CDC25C: variants seen among roughly 807,000 people sequenced by gnomAD.
The protein encoded by CDC25C is cell division cycle 25C.
A neutral mutation model predicts 52.5 loss-of-function variants in CDC25C; 48 were observed. The observed-to-expected ratio is 0.91, with a 90% CI of 0.72 to 1.16. The LOEUF is 1.16. Ranked by LOEUF, CDC25C falls within the 50% of genes most tolerant of loss-of-function variation. CDC25C has a pLI of 0.00. For missense variants in CDC25C, 510 were observed against 566.1 expected, an observed-to-expected ratio of 0.90 and a Z score of 1.01; for synonymous variants, 187 against 206.5, an observed-to-expected ratio of 0.91 and a Z score of 0.81.
intron 4 of CDC25C, among the ~76,000 whole-genome samples, chr5:138,326,924 C>CTG (rs1467635752): frequency 2.3e-4 from 32 of 139,382 alleles, no homozygotes; most frequent in African/African-American, 8.6e-4. Flanking sequence ...TGCACTTAAG[C>CTG]CTAGGCAACA....
chr5:138,303,531 C>T (rs551230395), intron 7 of CDC25C, among the ~76,000 whole-genome samples: 4 of 152,264 alleles, frequency 2.6e-5, no homozygotes, highest in East Asian at 1.9e-4. Context: ...CCCATAAACA[C>T]GCCAAGCATA....
chr5:138,329,672 A>G, intron 2 of CDC25C, 25 bp from the exon 3 acceptor site: 1 of 1,258,690 alleles, frequency 7.9e-7, no homozygotes, highest in Non-Finnish European at 1.2e-6. Context: ...TAGTACATCG[A>G]AATTCCCATT....
At chr5:138,297,343 G>A (rs1055688665) in intron 7 of CDC25C, among the ~76,000 whole-genome samples, 10 of 152,186 alleles carry the variant, frequency 6.6e-5, no homozygotes, top group African/African-American at 2.4e-4. Flanking sequence ...TTATAGGCAT[G>A]AGCCACTGTG....
intron 4 of CDC25C, among the ~76,000 whole-genome samples, chr5:138,328,035 T>G (rs771671475): frequency 1.3e-5 from 2 of 152,180 alleles, no homozygotes; most frequent in African/African-American, 4.8e-5. Flanking sequence ...TCCAGCTAAT[T>G]TTTGTATTTT....
In CDC25C at chr5:138,331,737, G is replaced by C. The variant is rs1209987748; in HGVS notation, c.-181C>G. Reference sequence around the variant, plus strand: ...GATTGCAGCTCTGCCTTCCGACTGGGTAGGCCAACGTCGGACTCAGAGTCT... The same window carrying C: ...GATTGCAGCTCTGCCTTCCGACTGGCTAGGCCAACGTCGGACTCAGAGTCT... On this transcript the variant is annotated 5_prime_UTR_variant, in exon 1 of 14. Transcript: ENST00000323760. 1 of 988,996 alleles carries C rather than the reference G, an allele frequency of 1.0e-6. No individual in the cohort carries two copies. The highest frequency in any genetic ancestry group is 1.7e-5 in the African/African-American group (1 of 57,260). 61.3% of individuals were successfully genotyped at this position (988,996 alleles called of 1,614,324 possible). A position where few individuals can be genotyped will look rare whatever the true frequency, so the allele number is the denominator to read the frequency against.
chr5:138,295,925 T>G (rs897670356), intron 7 of CDC25C, among the ~76,000 whole-genome samples: 5 of 152,166 alleles, frequency 3.3e-5, no homozygotes, highest in Admixed American at 3.3e-4. Flanking sequence ...GGAGGAAAAC[T>G]TACTAGATTC....
At chr5:138,325,719 C>A in intron 6 of CDC25C, 96 bp downstream of exon 6, 4 of 812,872 alleles carry the variant, frequency 4.9e-6, no homozygotes, top group East Asian at 2.5e-5. Context: ...GTCTAGCATA[C>A]GAGGTATAAA....
chr5:138,328,399 A>G, intron 4 of CDC25C, 85 bp downstream of exon 4: 1 of 1,251,458 alleles, frequency 8.0e-7, no homozygotes, highest in Non-Finnish European at 1.2e-6. Flanking sequence ...AAGGTTTTGT[A>G]CTCTGCAGAG....
At chr5:138,337,794 G>T in intron 1 of CDC25C, 1 of 417,932 alleles carries the variant, frequency 2.4e-6, no homozygotes, top group Non-Finnish European at 4.2e-6. Context: ...CGGGTCCTTT[G>T]CTGGGGGAAG....
At chr5:138,297,317 T>C (rs1368236031) in intron 7 of CDC25C, among the ~76,000 whole-genome samples, 3 of 152,182 alleles carry the variant, frequency 2.0e-5, no homozygotes, top group Admixed American at 1.3e-4. Flanking sequence ...CACCTCGGCC[T>C]CCCAAAGTGC....
chr5:138,308,469 C>A (rs746021160), intron 7 of CDC25C, among the ~76,000 whole-genome samples: 10 of 152,154 alleles, frequency 6.6e-5, no homozygotes, highest in Non-Finnish European at 1.3e-4. Flanking sequence ...CAACATTCTG[C>A]AAATGTGAAG....
At chr5:138,312,347 G>A (rs1284320192) in intron 7 of CDC25C, among the ~76,000 whole-genome samples, 2 of 152,132 alleles carry the variant, frequency 1.3e-5, no homozygotes, top group Non-Finnish European at 2.9e-5. Context: ...TGCAGCCTGG[G>A]CAACTGAGTG....
chr5:138,305,463 A>G (rs1757937350), intron 7 of CDC25C, among the ~76,000 whole-genome samples: 1 of 152,178 alleles, frequency 6.6e-6, no homozygotes, highest in Non-Finnish European at 1.5e-5. Flanking sequence ...TTGCCCAGGC[A>G]TGATCATGGC....
chr5:138,298,083 C>T (rs1481870381), intron 7 of CDC25C, among the ~76,000 whole-genome samples: 2 of 151,076 alleles, frequency 1.3e-5, no homozygotes, highest in African/African-American at 2.4e-5. Context: ...ACTGCAATCT[C>T]GACATCCCAG....
At position 138,289,711 on chromosome 5, in the gene CDC25C, T is replaced by C. The variant is rs1041140771; in HGVS notation, c.865-148A>G. On this transcript the variant is annotated intron_variant, in intron 9 of 13. Coordinates refer to ENST00000323760, the MANE Select transcript of CDC25C (RefSeq NM_001790.5). ...AGTGTCTCTATAAAGTGCATATACA[T>C]CAAGTCCATTTCTAAGAACTGATCC... 6.6e-6 allele frequency: 4 copies of C among 603,094 alleles called. No homozygotes were observed. In the Admixed American group the frequency reaches 1.1e-4, roughly 17 times the overall value. 37.4% of individuals were successfully genotyped at this position (603,094 alleles called of 1,614,324 possible).
rs1178704930 is a variant in CDC25C, at chr5:138,285,368, GC to G, written c.*323del. On this transcript the variant is annotated 3_prime_UTR_variant, in exon 14 of 14. Coordinates refer to ENST00000323760, the MANE Select transcript of CDC25C (RefSeq NM_001790.5). ...AGAAGGTAGACAACGCTCTTGCATA[GC>G]CCGAAGCCCAGAGAGAAAGAGTTGG... 1.1e-5 allele frequency: 3 copies of G among 270,864 alleles called. No homozygotes were observed. Among genetic ancestry groups the G allele is most frequent in the Non-Finnish European group, 2.1e-5 (3 of 143,532 alleles). 16.8% of individuals were successfully genotyped at this position (270,864 alleles called of 1,614,324 possible).
rs375561190 is a variant in CDC25C, at chr5:138,289,481, A to G, written c.927+20T>C. 59 of 1,586,836 alleles carry G rather than the reference A, an allele frequency of 3.7e-5. No homozygotes were observed. The African/African-American group carries it at 5.8e-4, about 16-fold the overall frequency. The stretch of plus-strand genomic sequence containing the variant: ...ATGGTAGCTTATGTAACCAGTTACC[A>G]TCTCCAGAAATCTGCTTACTGTTTC... On this transcript the variant is annotated intron_variant, in intron 10 of 13. Transcript: ENST00000323760.
At chr5:138,306,883 G>A (rs1412692713) in intron 7 of CDC25C, among the ~76,000 whole-genome samples, 2 of 148,008 alleles carry the variant, frequency 1.4e-5, no homozygotes, top group African/African-American at 5.0e-5. Flanking sequence ...TCGCTCTGTT[G>A]CCCATGCTGG....
At chr5:138,319,438 C>A in intron 6 of CDC25C, 64 bp from the exon 7 acceptor site, 1 of 1,242,084 alleles carries the variant, frequency 8.1e-7, no homozygotes, top group Non-Finnish European at 1.1e-6. Flanking sequence ...AATGTAAGAG[C>A]TAAAACTATA....
Sources: gnomAD v4.1 joint callset for allele counts (sites outside exome capture counted in the v4.1 genomes callset) on GRCh38, gnomAD v4.1.1 for gene constraint, MANE v1.5 for transcripts, NCBI Gene and HGNC (gene_info 2026-07-23, HGNC 2026-07-21) for gene names.